The following KCNK2 variants were observed in gnomAD, a reference collection of about 807,000 sequenced individuals.
KCNK2 encodes the protein potassium two pore domain channel subfamily K member 2.
KCNK2 carries 21 observed loss-of-function variants against 40.5 expected under a neutral mutation model. That is an observed-to-expected ratio of 0.52 (90% CI 0.37 to 0.75). KCNK2 has a LOEUF of 0.75. Ranked by LOEUF, KCNK2 falls within the 30% of genes least tolerant of loss-of-function variation. The probability of loss-of-function intolerance (pLI) is 0.00; values close to 1 mark genes in which losing one functional copy is unlikely to be tolerated. For synonymous variants in KCNK2, 191 were observed against 202.2 expected, an observed-to-expected ratio of 0.94 and a Z score of 0.47; for missense variants, 399 against 531.6, an observed-to-expected ratio of 0.75 and a Z score of 2.45.
intron 5 of KCNK2, among the ~76,000 whole-genome samples, chr1:215,193,841 AT>A (rs1664760964): frequency 6.6e-6 from 1 of 152,012 alleles, no homozygotes; most frequent in Admixed American, 6.6e-5. Context: ...GGCCCAATAC[AT>A]GTGGAGATTC....
At chr1:215,016,105 A>T (rs574455558) in intron 1 of KCNK2, among the ~76,000 whole-genome samples, 8 of 152,322 alleles carry the variant, frequency 5.3e-5, no homozygotes, top group African/African-American at 1.7e-4. Context: ...GTCAATAAAA[A>T]TGACAAACAA....
chr1:215,196,275 G>A (rs995559602), intron 6 of KCNK2, among the ~76,000 whole-genome samples: 6 of 151,762 alleles, frequency 4.0e-5, no homozygotes, highest in South Asian at 2.1e-4. Flanking sequence ...TAGTAGAGAC[G>A]GAGTTTCATC....
At chr1:215,008,347 C>G (rs987031575) in intron 1 of KCNK2, among the ~76,000 whole-genome samples, 2 of 151,992 alleles carry the variant, frequency 1.3e-5, no homozygotes, top group Non-Finnish European at 2.9e-5. Context: ...ATTTCTATAG[C>G]CAGAGCCATC....
chr1:215,157,930 G>A (rs993375890), intron 3 of KCNK2, among the ~76,000 whole-genome samples: 2 of 152,146 alleles, frequency 1.3e-5, no homozygotes, highest in African/African-American at 4.8e-5. Context: ...GCATCAGGAA[G>A]CCTTCTCTAA....
chr1:215,169,453 C>T (rs1038914410), intron 4 of KCNK2, 94 bp downstream of exon 4: 24 of 949,500 alleles, frequency 2.5e-5, no homozygotes, highest in Non-Finnish European at 3.6e-5. Context: ...ATTAGACATT[C>T]AATTATTAGG....
chr1:215,192,166 T>TG (rs1349175422), intron 5 of KCNK2, among the ~76,000 whole-genome samples: 1 of 152,226 alleles, frequency 6.6e-6, no homozygotes, highest in Non-Finnish European at 1.5e-5. Flanking sequence ...GATTCTTAGA[T>TG]GAAGTGAATT....
chr1:215,178,213 G>A (rs942748534), intron 5 of KCNK2, among the ~76,000 whole-genome samples: 1 of 152,012 alleles, frequency 6.6e-6, no homozygotes, highest in African/African-American at 2.4e-5. Context: ...CATTGATTTT[G>A]TATCTTCAAA....
rs564184766 is a variant in KCNK2, at chr1:215,230,507, G to GTGTATA, written c.964-4320_964-4319insGTATAT. ...CACACACACACACACACACACGGCT[G>GTGTATA]TATATATATATATATATATATATAT... is the stretch of plus-strand genomic sequence containing the variant. On this transcript the variant is annotated intron_variant, in intron 6 of 6. Transcript: ENST00000444842. 1.5e-3 allele frequency among the ~76,000 whole-genome samples: 96 copies of GTGTATA among 65,514 alleles called. 3 individuals are homozygous for GTGTATA. Among genetic ancestry groups the GTGTATA allele is most frequent in the African/African-American group, 6.8e-3 (94 of 13,788 alleles). The allele number at this position is 65,514 out of a possible 152,430, so 43.0% of individuals were successfully genotyped here. A position where few individuals can be genotyped will look rare whatever the true frequency, so the allele number is the denominator to read the frequency against.
intron 1 of KCNK2, among the ~76,000 whole-genome samples, chr1:215,016,726 A>T (rs1037132444): frequency 6.6e-6 from 1 of 152,178 alleles, no homozygotes; most frequent in Non-Finnish European, 1.5e-5. Flanking sequence ...GCACAGGCAA[A>T]TGAAAGCAAA....
At chr1:215,065,046 A>C (rs1658489855) in intron 1 of KCNK2, among the ~76,000 whole-genome samples, 1 of 152,224 alleles carries the variant, frequency 6.6e-6, no homozygotes, top group Non-Finnish European at 1.5e-5. Context: ...ATTTCAATAT[A>C]GTGTTTATTT....
chr1:215,007,852 C>T lies in KCNK2; in HGVS notation c.34+1897C>T, dbSNP rs147700336. Among the ~76,000 whole-genome samples the T allele has an allele frequency of 4.6e-5, 7 of 152,178 alleles. No individual in the cohort carries two copies. The East Asian group carries it at 1.3e-3, about 29-fold the overall frequency. On this transcript the variant is annotated intron_variant, in intron 1 of 6. Coordinates refer to the KCNK2 transcript ENST00000391895. ...TAAATGTATATAACATCATATAAAA[C>T]AATAGATAAATTTAAATTATCCCAT...
chr1:215,232,581 T>A (rs1666713720), intron 6 of KCNK2, among the ~76,000 whole-genome samples: 1 of 152,196 alleles, frequency 6.6e-6, no homozygotes, highest in African/African-American at 2.4e-5. Flanking sequence ...AGGTTCTAGG[T>A]GCTGAGGATG....
At chr1:215,021,106 G>T (rs978050220) in intron 1 of KCNK2, among the ~76,000 whole-genome samples, 2 of 152,120 alleles carry the variant, frequency 1.3e-5, no homozygotes, top group Non-Finnish European at 2.9e-5. Context: ...TAACTTTACA[G>T]TAATTTTCAT....
At chr1:215,202,705 T>C (rs1665130870) in intron 6 of KCNK2, among the ~76,000 whole-genome samples, 1 of 152,190 alleles carries the variant, frequency 6.6e-6, no homozygotes, top group African/African-American at 2.4e-5. Context: ...TTGTAAGTTA[T>C]TTCCCTTTTA....
chr1:215,178,897 T>G (rs983285982), intron 5 of KCNK2, among the ~76,000 whole-genome samples: 2 of 152,130 alleles, frequency 1.3e-5, no homozygotes, highest in African/African-American at 4.8e-5. Context: ...TCTTCAATTT[T>G]TTGGAAAGAG....
chr1:215,097,419 C>T (rs191375855), intron 2 of KCNK2, among the ~76,000 whole-genome samples: 51 of 150,228 alleles, frequency 3.4e-4, no homozygotes, highest in African/African-American at 1.2e-3. Flanking sequence ...TCTTACTTTC[C>T]TTTTTTTCTT....
chr1:215,009,799 G>A (rs556490369), intron 1 of KCNK2, among the ~76,000 whole-genome samples: 150 of 152,228 alleles, frequency 9.9e-4, no homozygotes, highest in African/African-American at 3.5e-3. Flanking sequence ...AATTAGGTGT[G>A]CAGAAAAACC....
At chr1:215,190,634 C>G (rs1247594260) in intron 5 of KCNK2, among the ~76,000 whole-genome samples, 1 of 152,178 alleles carries the variant, frequency 6.6e-6, no homozygotes, top group Non-Finnish European at 1.5e-5. Flanking sequence ...ACAAACTGGT[C>G]TTTCATTCCT....
intron 6 of KCNK2, among the ~76,000 whole-genome samples, chr1:215,197,284 A>C (rs1330435132): frequency 2.0e-5 from 3 of 152,166 alleles, no homozygotes; most frequent in Admixed American, 2.0e-4. Flanking sequence ...ACAAAATAGG[A>C]CGGACTGGGT....
Sources: gnomAD v4.1 joint callset for allele counts (sites outside exome capture counted in the v4.1 genomes callset) on GRCh38, gnomAD v4.1.1 for gene constraint, MANE v1.5 for transcripts, NCBI Gene and HGNC (gene_info 2026-07-23, HGNC 2026-07-21) for gene names.